CPTP: variants seen among roughly 807,000 people sequenced by gnomAD.
CPTP encodes GLTP domain-containing protein 1.
In CPTP, 5 loss-of-function variants were observed where a neutral mutation model predicts 5.7. That is an observed-to-expected ratio of 0.88 (90% CI 0.46 to 1.86). The LOEUF is 1.86. CPTP is among the 40% of genes most tolerant of loss of function. The pLI is 0.01. For missense variants in CPTP, 335 were observed against 306.5 expected, an observed-to-expected ratio of 1.09 and a Z score of -0.69; for synonymous variants, 166 against 142.7, an observed-to-expected ratio of 1.16 and a Z score of -1.16.
In CPTP at chr1:1,324,855, A is replaced by T. The variant is rs933656837; in HGVS notation, c.-323A>T. On this transcript the variant is annotated 5_prime_UTR_variant, in exon 1 of 3. Transcript: ENST00000343938. ...TGAGCGGCTCGGACTCGGCGGCCGCACCTGCCCAACCCAACCCGCACGGTC... is the reference window on the plus strand; with the variant it reads ...TGAGCGGCTCGGACTCGGCGGCCGCTCCTGCCCAACCCAACCCGCACGGTC... The T allele has an allele frequency of 4.4e-5, 21 of 473,492 alleles. No homozygotes were observed. Among genetic ancestry groups the T allele is most frequent in the African/African-American group, 4.2e-4 (20 of 47,254 alleles). 29.3% of individuals were successfully genotyped at this position (473,492 alleles called of 1,614,324 possible).
rs1008305976 is a variant in CPTP, at chr1:1,327,754, C to G, written c.636C>G (p.Asp212Glu). ...QKLYAEHSLL[D>E]LP Reference sequence around the variant, plus strand: ...TCTACGCCGAGCACTCCCTGCTGGACCTGCCCTAGGGGCGGGAAGCCAGGG... The same window carrying G: ...TCTACGCCGAGCACTCCCTGCTGGAGCTGCCCTAGGGGCGGGAAGCCAGGG... The change falls in exon 3 of 3, where the codon GAC becomes GAG. Residue 212 changes from aspartate to glutamate, a missense_variant. Physicochemically the swap from Asp to Glu is conservative, Grantham distance 45. Coordinates refer to ENST00000343938, the MANE Select transcript of CPTP (RefSeq NM_001029885.2). The G allele has an allele frequency of 6.2e-7, 1 of 1,611,810 alleles. No individual in the cohort carries two copies. Among genetic ancestry groups the G allele is most frequent in the African/African-American group, 1.3e-5 (1 of 74,954 alleles).
chr1:1,325,228 C>G (rs1643266460), intron 1 of CPTP, 126 bp downstream of exon 1: 2 of 152,460 alleles, frequency 1.3e-5, no homozygotes, highest in African/African-American at 4.8e-5. Flanking sequence ...CTCAGGCCGC[C>G]CTCGCGCCCG....
chr1:1,327,854 C>G lies in CPTP; in HGVS notation c.*91C>G. 1 of 1,407,868 alleles carries G rather than the reference C, an allele frequency of 7.1e-7. No individual in the cohort carries two copies. The highest frequency in any genetic ancestry group is 9.8e-7 in the Non-Finnish European group (1 of 1,021,820). 87.2% of individuals were successfully genotyped at this position (1,407,868 alleles called of 1,614,324 possible). ...GAGTCCCGTGGCAGAGCCTTCTGGG[C>G]GCTGCGGGAACAGGAGATCCTCTGT... On this transcript the variant is annotated 3_prime_UTR_variant, in exon 3 of 3. Transcript: ENST00000343938.
chr1:1,327,275 A>G lies in CPTP; in HGVS notation c.157A>G (p.Ile53Val). ...CAGCCTGGGCACCATCTTCTCATTC[A>G]TCTCCAAGGACGTGGTCTCCAAGCT... ...LNSLGTIFSF[I>V]SKDVVSKLRI... is the part of the protein sequence containing the mutation. The change falls in exon 3 of 3, where the codon ATC becomes GTC. Residue 53 changes from isoleucine to valine, a missense_variant. Transcript: ENST00000343938. The G allele has an allele frequency of 1.3e-6, 2 of 1,597,842 alleles. No homozygotes were observed. The highest frequency in any genetic ancestry group is 1.7e-4 in the Middle Eastern group (1 of 6,048).
At position 1,327,649 on chromosome 1, in the gene CPTP, G is replaced by C; in HGVS notation, c.531G>C (p.Val177=). ...AGGTCTTCCTGGAGGCCATGAACGT[G>C]GGGCCCCCGGAGCAGGCCGTGCAGA... ...TREVFLEAMN[V]GPPEQAVQML... is the part of the protein sequence containing the mutation. The change falls in exon 3 of 3, where the codon GTG becomes GTC. Residue 177 remains valine, a synonymous_variant. Transcript: ENST00000343938. 6.2e-7 allele frequency: 1 copy of C among 1,612,702 alleles called. No homozygotes were observed. Among genetic ancestry groups the C allele is most frequent in the Non-Finnish European group, 8.5e-7 (1 of 1,179,916 alleles).
intron 1 of CPTP, chr1:1,325,313 G>A: frequency 6.6e-6 from 1 of 152,530 alleles, no homozygotes; most frequent in Non-Finnish European, 1.5e-5. Flanking sequence ...GGGCTGGCAA[G>A]CTGCCTGCCT....
In CPTP at chr1:1,327,647, G is replaced by T. The variant is rs771756507; in HGVS notation, c.529G>T (p.Val177Leu). ...TREVFLEAMN[V>L]GPPEQAVQML... is the part of the protein sequence containing the mutation. Reference sequence around the variant, plus strand: ...CGAGGTCTTCCTGGAGGCCATGAACGTGGGGCCCCCGGAGCAGGCCGTGCA... The same window carrying T: ...CGAGGTCTTCCTGGAGGCCATGAACTTGGGGCCCCCGGAGCAGGCCGTGCA... The change falls in exon 3 of 3, where the codon GTG (valine) becomes TTG (leucine). Residue 177 changes from valine to leucine, a missense_variant. Coordinates refer to ENST00000343938, the MANE Select transcript of CPTP (RefSeq NM_001029885.2). 1.2e-6 allele frequency: 2 copies of T among 1,612,596 alleles called. No individual in the cohort carries two copies. Among genetic ancestry groups the T allele is most frequent in the East Asian group, 2.2e-5 (1 of 44,894 alleles).
chr1:1,326,988 G>C lies in CPTP; in HGVS notation c.78G>C (p.Glu26Asp). 1 of 1,613,676 alleles carries C rather than the reference G, an allele frequency of 6.2e-7. No individual in the cohort carries two copies. Among genetic ancestry groups the C allele is most frequent in the Non-Finnish European group, 8.5e-7 (1 of 1,180,008 alleles). ...AGCAGTGTCTCGATGAGAAGGAAGA[G>C]GTCTTGCTGGACCCCTACATTGCCA... ...SFKQCLDEKE[E>D]VLLDPYIASW... Residue 26 changes from glutamate to aspartate, a missense_variant, in exon 2 of 3, where the codon GAG becomes GAC. Physicochemically the swap from Glu to Asp is conservative, Grantham distance 45. Transcript: ENST00000343938.
chr1:1,327,216 A>G, intron 2 of CPTP, 25 bp from the exon 3 acceptor site: 1 of 1,591,434 alleles, frequency 6.3e-7, no homozygotes, highest in Non-Finnish European at 8.5e-7. Flanking sequence ...CTGGGCGAGG[A>G]CTCGAGCCCC....
Position 1,326,902 on chromosome 1 carries a change from T to C in CPTP, c.-9T>C, listed in dbSNP as rs771740123. ...CCCAGCCCTACTGTATTTCCGTTCCTATCAAAAAATGGATGACTCGGAGAC... is the reference window on the plus strand; with the variant it reads ...CCCAGCCCTACTGTATTTCCGTTCCCATCAAAAAATGGATGACTCGGAGAC... On this transcript the variant is annotated 5_prime_UTR_variant, in exon 2 of 3. Transcript: ENST00000343938. 1 of 1,613,718 alleles carries C rather than the reference T, an allele frequency of 6.2e-7. No homozygotes were observed. Among genetic ancestry groups the C allele is most frequent in the Non-Finnish European group, 8.5e-7 (1 of 1,179,952 alleles).
rs766283984 is a variant in CPTP, at chr1:1,327,683, G to A, written c.565G>A (p.Glu189Lys). ...PPEQAVQMLG[E>K]ALPFIQRVYN... ...GGAGCAGGCCGTGCAGATGCTAGGC[G>A]AGGCCCTCCCCTTCATCCAGCGTGT... is the stretch of plus-strand genomic sequence containing the variant. The change falls in exon 3 of 3, where the codon GAG becomes AAG. Residue 189 changes from glutamate to lysine, a missense_variant. Coordinates refer to ENST00000343938, the MANE Select transcript of CPTP (RefSeq NM_001029885.2). The A allele has an allele frequency of 1.9e-5, 30 of 1,612,656 alleles. No homozygotes were observed. The highest frequency in any genetic ancestry group is 1.2e-4 in the African/African-American group (9 of 74,952).
At position 1,327,893 on chromosome 1, in the gene CPTP, T is replaced by C; in HGVS notation, c.*130T>C. 9.3e-7 allele frequency: 1 copy of C among 1,072,580 alleles called. No homozygotes were observed. Among genetic ancestry groups the C allele is most frequent in the Middle Eastern group, 3.0e-4 (1 of 3,318 alleles). The allele number at this position is 1,072,580 out of a possible 1,614,324, so 66.4% of individuals were successfully genotyped here. On this transcript the variant is annotated 3_prime_UTR_variant, in exon 3 of 3. Coordinates refer to ENST00000343938, the MANE Select transcript of CPTP (RefSeq NM_001029885.2). ...GAGATCCTCTGTCGCCCCTGTGAGC[T>C]GAGCTGGTTAGGAACCACAGACTGT...
rs1170148437 is a variant in CPTP at position 1,325,442 on chromosome 1, A to G, written c.-76+340A>G. The G allele has an allele frequency of 3.9e-5, 6 of 152,350 alleles. No individual in the cohort carries two copies. In the East Asian group the frequency reaches 1.2e-3, roughly 29 times the overall value. 9.4% of individuals were successfully genotyped at this position (152,350 alleles called of 1,614,324 possible). The stretch of plus-strand genomic sequence containing the variant: ...TGGGCAGGAAGGCAAGGCCCGCAGA[A>G]TATCTGGTGACCAAGAAGGAAACCC... On this transcript the variant is annotated intron_variant, in intron 1 of 2. Transcript: ENST00000343938.
At position 1,324,919 on chromosome 1, in the gene CPTP, G is replaced by A. The variant is rs905567043; in HGVS notation, c.-259G>A. 1 of 352,566 alleles carries A rather than the reference G, an allele frequency of 2.8e-6. No homozygotes were observed. The highest frequency in any genetic ancestry group is 5.0e-5 in the Admixed American group (1 of 19,986). The allele number at this position is 352,566 out of a possible 1,614,324, so 21.8% of individuals were successfully genotyped here. A position where few individuals can be genotyped will look rare whatever the true frequency, so the allele number is the denominator to read the frequency against. On this transcript the variant is annotated 5_prime_UTR_variant, in exon 1 of 3. Coordinates refer to ENST00000343938, the MANE Select transcript of CPTP (RefSeq NM_001029885.2). ...GGGGCCGGGAGCGGGAGGGGACGTC[G>A]TCCTAGAGGGCCGGAGCGGGCGGGC...
At position 1,324,896 on chromosome 1, in the gene CPTP, G is replaced by A. The variant is rs1569608206; in HGVS notation, c.-282G>A. On this transcript the variant is annotated 5_prime_UTR_variant, in exon 1 of 3. Transcript: ENST00000343938. Reference sequence around the variant, plus strand: ...CCGCACGGTCCGGAAGTCGCCGAGGGGCCGGGAGCGGGAGGGGACGTCGTC... The same window carrying A: ...CCGCACGGTCCGGAAGTCGCCGAGGAGCCGGGAGCGGGAGGGGACGTCGTC... The A allele has an allele frequency of 2.6e-6, 1 of 389,940 alleles. No homozygotes were observed. Among genetic ancestry groups the A allele is most frequent in the East Asian group, 4.3e-5 (1 of 23,238 alleles). The allele number at this position is 389,940 out of a possible 1,614,324, so 24.2% of individuals were successfully genotyped here. A position where few individuals can be genotyped will look rare whatever the true frequency, so the allele number is the denominator to read the frequency against.
intron 2 of CPTP, 47 bp downstream of exon 2, chr1:1,327,079 G>A (rs749721544): frequency 1.4e-5 from 23 of 1,607,670 alleles, no homozygotes; most frequent in Middle Eastern, 1.8e-4. Flanking sequence ...CCCCTGGCCC[G>A]AGTCCCATAT....
chr1:1,327,828 T>C lies in CPTP; in HGVS notation c.*65T>C, dbSNP rs1643345485. 3 of 1,561,906 alleles carry C rather than the reference T, an allele frequency of 1.9e-6. No homozygotes were observed. Among genetic ancestry groups the C allele is most frequent in the Non-Finnish European group, 2.6e-6 (3 of 1,148,946 alleles). On this transcript the variant is annotated 3_prime_UTR_variant, in exon 3 of 3. Coordinates refer to ENST00000343938, the MANE Select transcript of CPTP (RefSeq NM_001029885.2). ...ATCTGGGCTGCGGTGGCCAGGGCCG[T>C]GAGTCCCGTGGCAGAGCCTTCTGGG... is the stretch of plus-strand genomic sequence containing the variant.
rs1643366747 is a variant in CPTP at position 1,328,854 on chromosome 1, TA to T, written c.*1093del. ...CAATCTATGTGATGTCTTCCAACGT[TA>T]ATAAATCACACAGCCTCCCAGGAGG... is the stretch of plus-strand genomic sequence containing the variant. On this transcript the variant is annotated 3_prime_UTR_variant, in exon 3 of 3. Transcript: ENST00000343938. The T allele has an allele frequency of 6.6e-6, 1 of 152,330 alleles. No individual in the cohort carries two copies. Among genetic ancestry groups the T allele is most frequent in the Admixed American group, 6.5e-5 (1 of 15,284 alleles). 9.4% of individuals were successfully genotyped at this position (152,330 alleles called of 1,614,324 possible).
Position 1,328,527 on chromosome 1 carries a change from A to G in CPTP, c.*764A>G. On this transcript the variant is annotated 3_prime_UTR_variant, in exon 3 of 3. Coordinates refer to ENST00000343938, the MANE Select transcript of CPTP (RefSeq NM_001029885.2). Reference sequence around the variant, plus strand: ...TCCCGCAGCGGCCGTGGGTCTGCACAGCCCAGCCCAGCCCAAGGCCCCCAG... The same window carrying G: ...TCCCGCAGCGGCCGTGGGTCTGCACGGCCCAGCCCAGCCCAAGGCCCCCAG... The G allele has an allele frequency of 6.5e-6, 1 of 152,930 alleles. No homozygotes were observed. Among genetic ancestry groups the G allele is most frequent in the Non-Finnish European group, 1.5e-5 (1 of 68,476 alleles). 9.5% of individuals were successfully genotyped at this position (152,930 alleles called of 1,614,324 possible).
Sources: allele counts gnomAD v4.1 joint callset, GRCh38; gene constraint gnomAD v4.1.1; transcripts MANE v1.5; gene names NCBI Gene and HGNC (gene_info 2026-07-23, HGNC 2026-07-21).